BDNF: variants seen among roughly 807,000 people sequenced by gnomAD.
The protein encoded by BDNF is neurotrophic factor BDNF precursor form.
A neutral mutation model predicts 19.5 loss-of-function variants in BDNF; 1 was observed. The ratio of observed to expected loss-of-function variants is 0.05; its 90% confidence interval spans 0.02 to 0.24. The LOEUF is 0.24. Ranked by LOEUF, BDNF falls within the 10% of genes least tolerant of loss-of-function variation. The pLI, the probability that BDNF is intolerant of heterozygous loss-of-function variation, is 1.00. For synonymous variants in BDNF, 100 were observed against 121.6 expected (o/e 0.82, Z 1.17); for missense variants, 195 against 317.6 (o/e 0.61, Z 2.93).
chr11:27,657,203 C>T lies in BDNF; in HGVS notation c.*618G>A. Reference sequence around the variant, plus strand: ...GAATATATATTGTAGGAATTCTTTCCCCATCTCTACTCCCTGTGGGAACTA... The same window carrying T: ...GAATATATATTGTAGGAATTCTTTCTCCATCTCTACTCCCTGTGGGAACTA... On this transcript the variant is annotated 3_prime_UTR_variant, in exon 2 of 2. Coordinates refer to ENST00000356660, the MANE Select transcript of BDNF (RefSeq NM_001709.5). The surrounding 1 kb of genome is among the most constrained non-coding windows in gnomAD (Gnocchi z 5.0). 1 of 983,580 alleles carries T rather than the reference C, an allele frequency of 1.0e-6. No homozygotes were observed. The highest frequency in any genetic ancestry group is 1.2e-6 in the Non-Finnish European group (1 of 828,028). The allele number at this position is 983,580 out of a possible 1,614,324, so 60.9% of individuals were successfully genotyped here.
intron 1 of BDNF, among the ~76,000 whole-genome samples, chr11:27,713,666 C>A (rs779808012): frequency 6.6e-6 from 1 of 152,186 alleles, no homozygotes; most frequent in Non-Finnish European, 1.5e-5. Context: ...ACTCTGGGAA[C>A]AAAGATCTCA....
exon 1 of BDNF, chr11:27,721,464 C>T: frequency 1.2e-6 from 2 of 1,607,272 alleles, no homozygotes; most frequent in Non-Finnish European, 1.7e-6. Flanking sequence ...CTCGTCTCCC[C>T]AACAGATGCT....
At chr11:27,662,344 C>G (rs1183760662) in intron 1 of BDNF, among the ~76,000 whole-genome samples, 2 of 152,088 alleles carry the variant, frequency 1.3e-5, no homozygotes, top group East Asian at 1.9e-4. Flanking sequence ...AATGTAATAG[C>G]AGTACTCAGT....
At chr11:27,687,576 C>G (rs1234256292) in intron 1 of BDNF, among the ~76,000 whole-genome samples, 1 of 152,188 alleles carries the variant, frequency 6.6e-6, no homozygotes, top group Non-Finnish European at 1.5e-5. Context: ...ATGTTGGCGA[C>G]CTTTGTACGG....
chr11:27,667,532 G>T (rs1366556628), intron 1 of BDNF, among the ~76,000 whole-genome samples: 1 of 152,168 alleles, frequency 6.6e-6, no homozygotes, highest in Non-Finnish European at 1.5e-5. Context: ...CATCTCATGT[G>T]CAGAGACGCA....
intron 1 of BDNF, among the ~76,000 whole-genome samples, chr11:27,696,951 C>T (rs1234731096): frequency 6.6e-6 from 1 of 152,156 alleles, no homozygotes; most frequent in African/African-American, 2.4e-5. Flanking sequence ...TGAAATTGTT[C>T]TTCTGTACTC....
chr11:27,678,408 A>G (rs1259812230), intron 1 of BDNF, among the ~76,000 whole-genome samples: 5 of 152,232 alleles, frequency 3.3e-5, no homozygotes, highest in African/African-American at 9.6e-5. Context: ...CTTCCAAAAG[A>G]TGGAATCTAA....
chr11:27,656,766 A>C lies in BDNF; in HGVS notation c.*1055T>G. 1 of 985,366 alleles carries C rather than the reference A, an allele frequency of 1.0e-6. No homozygotes were observed. Among genetic ancestry groups the C allele is most frequent in the Non-Finnish European group, 1.2e-6 (1 of 829,924 alleles). The allele number at this position is 985,366 out of a possible 1,614,324, so 61.0% of individuals were successfully genotyped here. On this transcript the variant is annotated 3_prime_UTR_variant, in exon 2 of 2. Transcript: ENST00000356660. ...TTTACCCAAATGTTCACTCCTCATA[A>C]AAAATAATCTTCATTTTGGGGTTAT...
chr11:27,693,944 T>TAC (rs1209081125), intron 1 of BDNF, among the ~76,000 whole-genome samples: 5 of 152,254 alleles, frequency 3.3e-5, no homozygotes, highest in Admixed American at 2.0e-4. Context: ...TATATGTGCA[T>TAC]ACACACACAC....
intron 1 of BDNF, chr11:27,699,809 C>T: frequency 1.1e-6 from 1 of 871,212 alleles, no homozygotes; most frequent in Non-Finnish European, 1.5e-6. Flanking sequence ...CCCTCGACAG[C>T]TCTGGCCCCC....
intron 1 of BDNF, among the ~76,000 whole-genome samples, chr11:27,691,845 TG>T (rs1175454437): frequency 6.6e-6 from 1 of 152,214 alleles, no homozygotes; most frequent in East Asian, 1.9e-4. Flanking sequence ...AGAAACTCTT[TG>T]GAAAACTGTA....
intron 1 of BDNF, among the ~76,000 whole-genome samples, chr11:27,679,389 T>G (rs563890325): frequency 3.3e-5 from 5 of 152,350 alleles, no homozygotes; most frequent in Non-Finnish European, 4.4e-5. Context: ...ATGTTACATT[T>G]TTTATGAATT....
At chr11:27,704,299 A>G (rs1292333305), upstream of BDNF, among the ~76,000 whole-genome samples, 2 of 152,322 alleles carry the variant, frequency 1.3e-5, no homozygotes, top group South Asian at 2.1e-4. Flanking sequence ...ATGTTCTAAT[A>G]TGATCCTAAC....
chr11:27,700,987 G>C (rs759985000), upstream of BDNF: 5 of 1,361,430 alleles, frequency 3.7e-6, no homozygotes, highest in South Asian at 5.8e-5. Context: ...GCACCTTCCT[G>C]CACTACGGAG....
intron 1 of BDNF, chr11:27,720,333 C>A: frequency 1.0e-6 from 1 of 985,882 alleles, no homozygotes; most frequent in South Asian, 4.7e-5. Context: ...GGGGTCCCCG[C>A]CCTGGTGCTT....
At chr11:27,699,344 A>C in intron 1 of BDNF, 1 of 1,612,906 alleles carries the variant, frequency 6.2e-7, no homozygotes, top group Non-Finnish European at 8.5e-7. Flanking sequence ...CAGAGCCCCC[A>C]ATCCTCAGCT....
chr11:27,667,394 C>T (rs578089670), intron 1 of BDNF, among the ~76,000 whole-genome samples: 2 of 152,302 alleles, frequency 1.3e-5, no homozygotes, highest in South Asian at 4.1e-4. Context: ...ATCATAATGA[C>T]AGGATCAAAT....
rs757757244 is a variant in BDNF at position 27,680,567 on chromosome 11, GA to G, written c.-22+19596del. ...CAATACTGAAATCTTTCTTTTCCAT[GA>G]GGGAAAAACATGTTGAATCATTTAG... On this transcript the variant is annotated intron_variant, in intron 1 of 1. Transcript: ENST00000356660. Among the ~76,000 whole-genome samples, 7 of 152,260 alleles carry G rather than the reference GA, an allele frequency of 4.6e-5. No individual in the cohort carries two copies. In the East Asian group the frequency reaches 7.7e-4, roughly 17 times the overall value.
In BDNF at chr11:27,669,462, A is replaced by C. The variant is rs561276149; in HGVS notation, c.-21-10877T>G. Among the ~76,000 whole-genome samples, 139 of 152,328 alleles carry C rather than the reference A, an allele frequency of 9.1e-4. 1 individual carries two copies. Among genetic ancestry groups the C allele is most frequent in the African/African-American group, 2.9e-3 (122 of 41,572 alleles). On this transcript the variant is annotated intron_variant, in intron 1 of 1. Coordinates refer to ENST00000356660, the MANE Select transcript of BDNF (RefSeq NM_001709.5). The stretch of plus-strand genomic sequence containing the variant: ...TATTCAAATAGGAAGAGAGGAAGTC[A>C]AATTGTCTCTGTTTGCAGATGACAT...
Sources: gnomAD v4.1 joint callset for allele counts (sites outside exome capture counted in the v4.1 genomes callset) on GRCh38, gnomAD v4.1.1 for gene constraint, Gnocchi (gnomAD v3.1) non-coding constraint, MANE v1.5 for transcripts, NCBI Gene and HGNC (gene_info 2026-07-23, HGNC 2026-07-21) for gene names.